Variants in FSTL5 observed in about 807,000 individuals in gnomAD.
FSTL5 encodes follistatin like 5, also known as follistatin-related protein 5.
A neutral mutation model predicts 89.1 loss-of-function variants in FSTL5; 62 were observed. The ratio of observed to expected loss-of-function variants is 0.70; its 90% CI spans 0.57 to 0.86. The LOEUF (loss-of-function observed/expected upper bound fraction) is 0.86. FSTL5 is among the 40% of genes least tolerant of loss of function. FSTL5 has a pLI of 0.00. For missense variants in FSTL5, 1,057 were observed against 1,001.6 expected (o/e 1.06, Z -0.75); for synonymous variants, 383 against 346.2 (o/e 1.11, Z -1.18).
rs114631179 is a variant in FSTL5, at chr4:161,448,813, G to A, written c.1841+6191C>T. ...TCTTAGCACTTATTTCACTGTTGAGGATCCTAAAGGAGTGCCTTCCAGCTA... is the reference window on the plus strand; with the variant it reads ...TCTTAGCACTTATTTCACTGTTGAGAATCCTAAAGGAGTGCCTTCCAGCTA... On this transcript the variant is annotated intron_variant, in intron 15 of 15. Coordinates refer to ENST00000306100, the MANE Select transcript of FSTL5 (RefSeq NM_020116.5). 9.0e-3 allele frequency among the ~76,000 whole-genome samples: 1,369 copies of A among 152,154 alleles called. 16 individuals carry two copies. The highest frequency in any genetic ancestry group is 0.04 in the South Asian group (190 of 4,810).
intron 6 of FSTL5, among the ~76,000 whole-genome samples, chr4:161,698,379 G>A (rs903991476): frequency 6.6e-6 from 1 of 152,124 alleles, no homozygotes; most frequent in African/African-American, 2.4e-5. Flanking sequence ...CAGGTGGGTT[G>A]GGGAGATGTT....
chr4:161,500,259 G>A (rs1295485076), intron 11 of FSTL5, 125 bp from the exon 12 acceptor site: 1 of 603,050 alleles, frequency 1.7e-6, no homozygotes, highest in African/African-American at 1.9e-5. Flanking sequence ...TGTTAATAAA[G>A]CAAACCATAT....
chr4:161,764,537 G>A (rs1469084182), intron 5 of FSTL5, among the ~76,000 whole-genome samples: 1 of 152,120 alleles, frequency 6.6e-6, no homozygotes, highest in Admixed American at 6.6e-5. Flanking sequence ...GGGATTACAG[G>A]TGTGAGCCAC....
Position 161,757,110 on chromosome 4 carries a change from A to G in FSTL5, c.727+2301T>C, listed in dbSNP as rs74540011. On this transcript the variant is annotated intron_variant, in intron 6 of 15. Coordinates refer to ENST00000306100, the MANE Select transcript of FSTL5 (RefSeq NM_020116.5). ...ATGCAGTTGGGCCAGGTTTTTCTAA[A>G]TGCCCTAATATGTCAAGTATCTGAC... Among the ~76,000 whole-genome samples, 1,035 of 152,256 alleles carry G rather than the reference A, an allele frequency of 6.8e-3. 7 individuals carry two copies. The highest frequency in any genetic ancestry group is 0.023 in the African/African-American group (952 of 41,554).
chr4:161,624,980 A>C (rs1156612544), intron 7 of FSTL5, among the ~76,000 whole-genome samples: 1 of 152,264 alleles, frequency 6.6e-6, no homozygotes. Flanking sequence ...GTCCAGCATC[A>C]ACAGCAGCTG....
At chr4:161,541,640 TATA>T (rs1312090900) in intron 9 of FSTL5, among the ~76,000 whole-genome samples, 1 of 152,020 alleles carries the variant, frequency 6.6e-6, no homozygotes, top group Non-Finnish European at 1.5e-5. Flanking sequence ...TTTAAAAATG[TATA>T]ATGATTATAT....
chr4:161,911,890 C>CT (rs1733704163), intron 4 of FSTL5, among the ~76,000 whole-genome samples: 1 of 152,216 alleles, frequency 6.6e-6, no homozygotes, highest in Non-Finnish European at 1.5e-5. Flanking sequence ...CATCCAAACA[C>CT]TTTTTTCACA....
At chr4:161,476,379 G>T (rs1578863827) in intron 13 of FSTL5, among the ~76,000 whole-genome samples, 1 of 151,738 alleles carries the variant, frequency 6.6e-6, no homozygotes, top group South Asian at 2.1e-4. Flanking sequence ...TAGAGACACG[G>T]TTTCTCCATG....
chr4:161,995,635 T>C (rs1736268984), intron 3 of FSTL5, among the ~76,000 whole-genome samples: 1 of 152,150 alleles, frequency 6.6e-6, no homozygotes, highest in East Asian at 1.9e-4. Context: ...GGATAGACAC[T>C]GTATCACATC....
chr4:161,875,342 T>C (rs1732409053), intron 4 of FSTL5, among the ~76,000 whole-genome samples: 1 of 148,888 alleles, frequency 6.7e-6, no homozygotes, highest in Non-Finnish European at 1.5e-5. Flanking sequence ...AGAGTCTTCC[T>C]TTGCAAATTT....
intron 1 of FSTL5, among the ~76,000 whole-genome samples, chr4:162,141,756 G>A (rs1299671682): frequency 1.3e-5 from 2 of 152,124 alleles, no homozygotes; most frequent in Non-Finnish European, 2.9e-5. Context: ...ATATTCAAAT[G>A]TATATGTAGA....
At chr4:161,699,978 T>A (rs894459337) in intron 6 of FSTL5, among the ~76,000 whole-genome samples, 1 of 152,206 alleles carries the variant, frequency 6.6e-6, no homozygotes, top group African/African-American at 2.4e-5. Flanking sequence ...GTGTTCCAGT[T>A]CTTAAATTAT....
At chr4:161,406,989 T>C (rs2110923384) in intron 15 of FSTL5, among the ~76,000 whole-genome samples, 1 of 152,300 alleles carries the variant, frequency 6.6e-6, no homozygotes, top group East Asian at 1.9e-4. Flanking sequence ...GTCATTTTTG[T>C]TCCTCCTTTC....
chr4:161,982,372 G>A (rs1458462903), intron 3 of FSTL5, among the ~76,000 whole-genome samples: 1 of 152,162 alleles, frequency 6.6e-6, no homozygotes, highest in African/African-American at 2.4e-5. Flanking sequence ...AATGTCTGTT[G>A]TAAAGATAAA....
intron 7 of FSTL5, among the ~76,000 whole-genome samples, chr4:161,596,318 T>C (rs990971079): frequency 3.3e-5 from 5 of 151,984 alleles, no homozygotes; most frequent in African/African-American, 9.6e-5. Flanking sequence ...TTAAAATTGA[T>C]TTAAATATGC....
chr4:161,661,928 A>G (rs1450537621), intron 6 of FSTL5, among the ~76,000 whole-genome samples: 3 of 152,214 alleles, frequency 2.0e-5, no homozygotes, highest in Non-Finnish European at 4.4e-5. Context: ...ATATCAGAAT[A>G]ATGAGGAACT....
intron 6 of FSTL5, among the ~76,000 whole-genome samples, chr4:161,711,656 T>C (rs533659154): frequency 2.1e-4 from 32 of 152,068 alleles, no homozygotes; most frequent in Admixed American, 5.2e-4. Context: ...ATACCAAAAC[T>C]ATTCAAAGAT....
rs751443756 is a variant in FSTL5, at chr4:161,385,768, G to T, written c.2523C>A (p.Val841=). The T allele has an allele frequency of 2.5e-6, 4 of 1,602,926 alleles. No individual in the cohort carries two copies. The highest frequency in any genetic ancestry group is 3.4e-6 in the Non-Finnish European group (4 of 1,175,374). Residue 841 remains valine (V), a synonymous_variant, in exon 16 of 16, where the codon GTC becomes GTA. Coordinates refer to ENST00000306100, the MANE Select transcript of FSTL5 (RefSeq NM_020116.5). ...GTTTTTAGGCATCTCCAACCCAAAT[G>T]ACTGTATTTCCTTTTTCAACTTCAG... ...EITEVEKGNT[V]IWVGDA is the part of the protein sequence containing the mutation.
intron 6 of FSTL5, among the ~76,000 whole-genome samples, chr4:161,693,981 T>A (rs958143528): frequency 1.3e-5 from 2 of 152,104 alleles, no homozygotes; most frequent in South Asian, 2.1e-4. Context: ...GGTGGTAATA[T>A]CTCCATTTTT....
Sources: gnomAD v4.1 joint callset for allele counts (sites outside exome capture counted in the v4.1 genomes callset) on GRCh38, gnomAD v4.1.1 for gene constraint, MANE v1.5 for transcripts, NCBI Gene and HGNC (gene_info 2026-07-23, HGNC 2026-07-21) for gene names.